Variants in GAS7 observed in about 807,000 individuals in gnomAD.
The protein encoded by GAS7 is growth arrest specific 7.
In GAS7, 28 loss-of-function variants were observed where a neutral mutation model predicts 71.1. The ratio of observed to expected loss-of-function variants is 0.39; its 90% CI spans 0.29 to 0.54. GAS7 has a LOEUF of 0.54. GAS7 is among the 20% of genes least tolerant of loss of function. The pLI, the probability that GAS7 is intolerant of heterozygous loss-of-function variation, is 0.62. For missense variants in GAS7, 436 were observed against 627.8 expected (o/e 0.69, Z 3.27); for synonymous variants, 258 against 245.8 (o/e 1.05, Z -0.46).
chr17:10,142,364 T>TTTTG (rs780458320), intron 1 of GAS7, among the ~76,000 whole-genome samples: 2 of 151,926 alleles, frequency 1.3e-5, no homozygotes, highest in African/African-American at 2.4e-5. Flanking sequence ...TTATTAAAGG[T>TTTTG]TTTGTTTGTT....
In GAS7 at chr17:10,198,512, G is replaced by T; in HGVS notation, c.-122C>A. On this transcript the variant is annotated 5_prime_UTR_variant, in exon 1 of 14. Transcript: ENST00000432992. ...GGCTCCCGCGCTCTGGGCGCGCGCC[G>T]TCTCTGGGGTGCGCGGGGGTCCTCA... 2 of 591,448 alleles carry T rather than the reference G, an allele frequency of 3.4e-6. No individual in the cohort carries two copies. The highest frequency in any genetic ancestry group is 2.6e-6 in the Non-Finnish European group (1 of 388,478). The allele number at this position is 591,448 out of a possible 1,614,324, so 36.6% of individuals were successfully genotyped here.
intron 1 of GAS7, among the ~76,000 whole-genome samples, chr17:10,139,297 A>G (rs186419122): frequency 8.5e-5 from 13 of 152,334 alleles, no homozygotes; most frequent in African/African-American, 2.9e-4. Context: ...CAACATCCTA[A>G]GAATAAACCT....
At chr17:9,918,803 T>C (rs2067684877) in intron 12 of GAS7, among the ~76,000 whole-genome samples, 1 of 152,146 alleles carries the variant, frequency 6.6e-6, no homozygotes, top group African/African-American at 2.4e-5. Flanking sequence ...ATCCGGCTGT[T>C]ACTCTGCATA....
At chr17:10,191,555 C>CA (rs59145222) in intron 1 of GAS7, among the ~76,000 whole-genome samples, 16,341 of 88,018 alleles carry the variant, frequency 0.19, 1,422 homozygotes, top group Non-Finnish European at 0.2. Context: ...GACCCTGTGT[C>CA]AAAAAAAAAA....
chr17:9,973,018 T>A (rs776934782), intron 3 of GAS7, among the ~76,000 whole-genome samples: 1 of 151,848 alleles, frequency 6.6e-6, no homozygotes, highest in Non-Finnish European at 1.5e-5. Flanking sequence ...GGGGAAAAAA[T>A]TTTAAAGGCC....
chr17:10,198,221 A>G lies in GAS7; in HGVS notation c.170T>C (p.Val57Ala). ...GLRGWFPASY[V>A]QLLEKPGMVP... ...CTCGCCCCTTACCTCCAGCAACTGCACGTAGCTCGCCGGGAACCAGCCACG... is the reference window on the plus strand; with the variant it reads ...CTCGCCCCTTACCTCCAGCAACTGCGCGTAGCTCGCCGGGAACCAGCCACG... Residue 57 changes from valine (V) to alanine (A), a missense_variant, in exon 1 of 14, where the codon GTG becomes GCG. By Grantham distance (64) the Val-to-Ala change is moderately conservative. Coordinates refer to ENST00000432992, the MANE Select transcript of GAS7 (RefSeq NM_201433.2). 2 of 1,608,022 alleles carry G rather than the reference A, an allele frequency of 1.2e-6. No homozygotes were observed. Among genetic ancestry groups the G allele is most frequent in the Non-Finnish European group, 1.7e-6 (2 of 1,179,376 alleles).
At chr17:10,191,687 C>T (rs913086907) in intron 1 of GAS7, among the ~76,000 whole-genome samples, 4 of 149,648 alleles carry the variant, frequency 2.7e-5, no homozygotes, top group African/African-American at 9.8e-5. Context: ...CCAGCCTGGC[C>T]AACCTGGTGA....
intron 1 of GAS7, among the ~76,000 whole-genome samples, chr17:10,156,313 G>A (rs1478830246): frequency 6.6e-6 from 1 of 152,164 alleles, no homozygotes; most frequent in Non-Finnish European, 1.5e-5. Flanking sequence ...CCCTTCGCCT[G>A]TTTCTTGACT....
intron 4 of GAS7, among the ~76,000 whole-genome samples, chr17:9,966,229 ACCTCCTGATCTGCCTGCCTCGG>A (rs2069708737): frequency 6.6e-6 from 1 of 151,198 alleles, no homozygotes; most frequent in Non-Finnish European, 1.5e-5. Context: ...CGATCTCCTG[ACCTCCTGATCTGCCTGCCTCGG>A]CCTCCCAAAG....
chr17:10,118,584 G>C (rs187646840), intron 1 of GAS7, among the ~76,000 whole-genome samples: 1 of 151,784 alleles, frequency 6.6e-6, no homozygotes, highest in Non-Finnish European at 1.5e-5. Context: ...GATGGAGGTA[G>C]TCCCAGCTAC....
At chr17:9,945,815 A>C (rs1454082748) in intron 6 of GAS7, among the ~76,000 whole-genome samples, 1 of 152,078 alleles carries the variant, frequency 6.6e-6, no homozygotes, top group Non-Finnish European at 1.5e-5. Context: ...TATTAAAAAA[A>C]TAAAATAAAA....
intron 2 of GAS7, among the ~76,000 whole-genome samples, chr17:9,983,114 G>C (rs2070498861): frequency 1.0e-5 from 1 of 95,516 alleles, no homozygotes. Context: ...ATGTTGATTT[G>C]TTTTCTAAGC....
In GAS7 at chr17:10,026,143, C is replaced by T. The variant is rs2152214426; in HGVS notation, c.184-6246G>A. On this transcript the variant is annotated intron_variant, in intron 1 of 13. Coordinates refer to ENST00000432992, the MANE Select transcript of GAS7 (RefSeq NM_201433.2). The surrounding 1 kb of genome is among the most constrained non-coding windows in gnomAD (Gnocchi z 4.5). ...TCCGGAGGTTTCTGAGAACACCTGA[C>T]TCTTACCTTATCCTAAAGCCGTGAG... The T allele has an allele frequency of 1.0e-6, 1 of 985,046 alleles. No homozygotes were observed. Among genetic ancestry groups the T allele is most frequent in the Admixed American group, 6.1e-5 (1 of 16,280 alleles). The allele number at this position is 985,046 out of a possible 1,614,324, so 61.0% of individuals were successfully genotyped here.
intron 1 of GAS7, among the ~76,000 whole-genome samples, chr17:10,094,630 G>A (rs1018924999): frequency 2.6e-5 from 4 of 151,926 alleles, no homozygotes; most frequent in Non-Finnish European, 5.9e-5. Context: ...CACCACGCCT[G>A]ACTAATTTTT....
intron 1 of GAS7, among the ~76,000 whole-genome samples, chr17:10,109,654 C>T (rs2073791511): frequency 6.6e-6 from 1 of 152,252 alleles, no homozygotes; most frequent in Non-Finnish European, 1.5e-5. Context: ...AGCAGTGGCT[C>T]ACGCCTGTAA....
intron 1 of GAS7, among the ~76,000 whole-genome samples, chr17:10,131,464 A>C (rs1225239540): frequency 6.6e-6 from 1 of 152,204 alleles, no homozygotes; most frequent in African/African-American, 2.4e-5. Context: ...CTCTACCAAA[A>C]ATACAAAAAT....
chr17:10,054,612 C>T (rs985235976), intron 1 of GAS7, among the ~76,000 whole-genome samples: 2 of 152,188 alleles, frequency 1.3e-5, no homozygotes, highest in African/African-American at 2.4e-5. Flanking sequence ...TTGTAACTGT[C>T]GGGGGCCTTT....
intron 1 of GAS7, among the ~76,000 whole-genome samples, chr17:10,025,730 G>GGCCT (rs1323609565): frequency 6.6e-6 from 1 of 152,000 alleles, no homozygotes; most frequent in Non-Finnish European, 1.5e-5. Flanking sequence ...CACACTCTGG[G>GGCCT]GCCTGACTCA....
chr17:9,997,423 TA>T (rs149409988), intron 2 of GAS7, among the ~76,000 whole-genome samples: 1 of 152,194 alleles, frequency 6.6e-6, no homozygotes, highest in South Asian at 2.1e-4. Context: ...TAATAAAACA[TA>T]AAAAATGACA....
Sources: gnomAD v4.1 joint callset for allele counts (sites outside exome capture counted in the v4.1 genomes callset) on GRCh38, gnomAD v4.1.1 for gene constraint, Gnocchi (gnomAD v3.1) non-coding constraint, MANE v1.5 for transcripts, NCBI Gene and HGNC (gene_info 2026-07-23, HGNC 2026-07-21) for gene names.